Variants in FOXN4 observed in about 807,000 individuals in gnomAD.
FOXN4 encodes the protein forkhead box N4.
In FOXN4, 12 loss-of-function variants were observed where a neutral mutation model predicts 45.0. That is an observed-to-expected ratio of 0.27 (90% CI 0.17 to 0.43). The LOEUF (loss-of-function observed/expected upper bound fraction) is 0.43. Among genes scored for constraint, FOXN4 ranks in the 20% least tolerant of loss-of-function variants. FOXN4 has a pLI of 1.00. For missense variants in FOXN4, 560 were observed against 694.9 expected, an observed-to-expected ratio of 0.81 and a Z score of 2.18; for synonymous variants, 297 against 295.0, an observed-to-expected ratio of 1.01 and a Z score of -0.07.
At chr12:109,299,525 A>G (rs2047850032) in intron 2 of FOXN4, among the ~76,000 whole-genome samples, 1 of 152,168 alleles carries the variant, frequency 6.6e-6, no homozygotes, top group African/African-American at 2.4e-5. Flanking sequence ...CCCAAGCTTC[A>G]GCAGCCCCAG....
rs2047761447 is a variant in FOXN4 at position 109,290,947 on chromosome 12, C to A, written c.87-661G>T. ...CAGCTGCTGTGAGATGTAGGGTGGG[C>A]CCATACTCCCCTCGTACAGATGAGA... On this transcript the variant is annotated intron_variant, in intron 2 of 9. Coordinates refer to ENST00000299162, the MANE Select transcript of FOXN4 (RefSeq NM_213596.3). This position sits in a 1 kb window ranked among gnomAD's most constrained non-coding sequence, Gnocchi z 5.1. Among the ~76,000 whole-genome samples the A allele has an allele frequency of 6.6e-6, 1 of 152,128 alleles. No homozygotes were observed. The highest frequency in any genetic ancestry group is 1.5e-5 in the Non-Finnish European group (1 of 68,020).
chr12:109,280,393 C>A (rs1277746767), intron 9 of FOXN4, among the ~76,000 whole-genome samples: 1 of 151,442 alleles, frequency 6.6e-6, no homozygotes, highest in African/African-American at 2.4e-5. Flanking sequence ...GTCGCAGCAG[C>A]CCCGGGCCCT....
At position 109,287,262 on chromosome 12, in the gene FOXN4, G is replaced by T; in HGVS notation, c.596+135C>A. The stretch of plus-strand genomic sequence containing the variant: ...TTCCTGAGAACAAGTCCCACCTGGG[G>T]GTTCCCCACTCCCCAAAACCTCCCC... On this transcript the variant is annotated intron_variant, in intron 6 of 9. Coordinates refer to ENST00000299162, the MANE Select transcript of FOXN4 (RefSeq NM_213596.3). This position sits in a 1 kb window ranked among gnomAD's most constrained non-coding sequence, Gnocchi z 4.1. The T allele has an allele frequency of 8.2e-7, 1 of 1,226,134 alleles. No homozygotes were observed. Among genetic ancestry groups the T allele is most frequent in the South Asian group, 1.5e-5 (1 of 65,392 alleles). The allele number at this position is 1,226,134 out of a possible 1,614,324, so 76.0% of individuals were successfully genotyped here.
intron 8 of FOXN4, among the ~76,000 whole-genome samples, 173 bp downstream of exon 8, chr12:109,285,125 TGTGTGC>T (rs1020237975): frequency 2.1e-5 from 3 of 141,106 alleles, no homozygotes; most frequent in African/African-American, 5.3e-5. Flanking sequence ...CTTCCTCTTC[TGTGTGC>T]GTGTGCGTGT....
At chr12:109,302,425 ATACAGCAATTG>A (rs1484983929) in intron 2 of FOXN4, among the ~76,000 whole-genome samples, 1 of 152,240 alleles carries the variant, frequency 6.6e-6, no homozygotes, top group African/African-American at 2.4e-5. Flanking sequence ...CCTTAGGTTG[ATACAGCAATTG>A]TACAGAGGAA....
In FOXN4 at chr12:109,287,833, G is replaced by T. The variant is rs2047729082; in HGVS notation, c.468+11C>A. On this transcript the variant is annotated intron_variant, in intron 5 of 9. Transcript: ENST00000299162. This position sits in a 1 kb window ranked among gnomAD's most constrained non-coding sequence, Gnocchi z 4.1. ...GCTGCTCAGTCCAGGGCTCCCCTGAGCCCTTGGTACCTGCTGGGCACCCGG... is the reference window on the plus strand; with the variant it reads ...GCTGCTCAGTCCAGGGCTCCCCTGATCCCTTGGTACCTGCTGGGCACCCGG... 1.3e-6 allele frequency: 2 copies of T among 1,546,520 alleles called. No individual in the cohort carries two copies. The highest frequency in any genetic ancestry group is 4.0e-5 in the Admixed American group (2 of 50,238).
At chr12:109,300,965 A>C (rs2047863523) in intron 2 of FOXN4, among the ~76,000 whole-genome samples, 1 of 152,220 alleles carries the variant, frequency 6.6e-6, no homozygotes, top group African/African-American at 2.4e-5. Context: ...AGGTATCCCC[A>C]TGGTGTCACA....
At chr12:109,303,661 T>C (rs927086978) in intron 2 of FOXN4, among the ~76,000 whole-genome samples, 2 of 152,170 alleles carry the variant, frequency 1.3e-5, no homozygotes, top group Non-Finnish European at 2.9e-5. Flanking sequence ...CTTGTGGCCC[T>C]GGGAGAAGGT....
intron 2 of FOXN4, among the ~76,000 whole-genome samples, chr12:109,293,173 A>G (rs2136932527): frequency 6.6e-6 from 1 of 152,240 alleles, no homozygotes; most frequent in Admixed American, 6.5e-5. Context: ...CATCCTGCAG[A>G]CATCACTGGA....
intron 2 of FOXN4, among the ~76,000 whole-genome samples, chr12:109,295,903 G>A (rs2047812583): frequency 6.6e-6 from 1 of 152,184 alleles, no homozygotes; most frequent in Admixed American, 6.5e-5. Flanking sequence ...CTGGGAGGAA[G>A]TCCCAGCCCT....
In FOXN4 at chr12:109,291,291, C is replaced by T. The variant is rs115507872; in HGVS notation, c.87-1005G>A. Among the ~76,000 whole-genome samples, 15 of 152,160 alleles carry T rather than the reference C, an allele frequency of 9.9e-5. 1 individual carries two copies. The highest frequency in any genetic ancestry group is 3.1e-4 in the African/African-American group (13 of 41,526). ...GAGCATCGGGTCTTACACCACCATC[C>T]GGGCCCTGTCGTGATGGTGCAGACC... On this transcript the variant is annotated intron_variant, in intron 2 of 9. Coordinates refer to ENST00000299162, the MANE Select transcript of FOXN4 (RefSeq NM_213596.3). The surrounding 1 kb of genome is among the most constrained non-coding windows in gnomAD (Gnocchi z 6.6).
chr12:109,288,691 CA>C lies in FOXN4; in HGVS notation c.233-512del, dbSNP rs2136925023. Among the ~76,000 whole-genome samples the C allele has an allele frequency of 6.6e-6, 1 of 152,342 alleles. No homozygotes were observed. The highest frequency in any genetic ancestry group is 1.9e-4 in the East Asian group (1 of 5,186). On this transcript the variant is annotated intron_variant, in intron 3 of 9. Transcript: ENST00000299162. The surrounding 1 kb of genome is among the most constrained non-coding windows in gnomAD (Gnocchi z 4.3). ...GCTGCTCCACACAGGATGAGAATGG[CA>C]GACATACTTCCCCCATCTTGTGCTG...
At chr12:109,285,648 G>A in intron 7 of FOXN4, 137 bp from the exon 8 acceptor site, 1 of 899,242 alleles carries the variant, frequency 1.1e-6, no homozygotes, top group Non-Finnish European at 1.7e-6. Flanking sequence ...TCAGCCTCAA[G>A]TTGGAGAGAC....
chr12:109,281,794 A>G lies in FOXN4; in HGVS notation c.907T>C (p.Leu303=), dbSNP rs777792764. 3.2e-6 allele frequency: 5 copies of G among 1,570,070 alleles called. No individual in the cohort carries two copies. In the African/African-American group the frequency reaches 4.0e-5, roughly 13 times the overall value. ...IHRSMANPEE[L]DKLISDRPES... ...GGCCGGTCGGAGATCAGCTTGTCCAACTCCTCTGCAGGCAAGTGGGAGAGG... is the reference window on the plus strand; with the variant it reads ...GGCCGGTCGGAGATCAGCTTGTCCAGCTCCTCTGCAGGCAAGTGGGAGAGG... Residue 303 remains leucine, a synonymous_variant, in exon 9 of 10, where the codon TTG becomes CTG. Coordinates refer to ENST00000299162, the MANE Select transcript of FOXN4 (RefSeq NM_213596.3).
At chr12:109,286,902 G>T (rs977147189) in intron 6 of FOXN4, 158 bp from the exon 7 acceptor site, 11 of 1,427,888 alleles carry the variant, frequency 7.7e-6, no homozygotes, top group Non-Finnish European at 9.1e-6. Flanking sequence ...ATCTTTTCAT[G>T]GCCCGATGTC....
Position 109,285,273 on chromosome 12 carries a change from GTGCGCGCACTGCGGGCT to G in FOXN4, c.901+14_901+30del, listed in dbSNP as rs2047697590. On this transcript the variant is annotated intron_variant, in intron 8 of 9. Coordinates refer to ENST00000299162, the MANE Select transcript of FOXN4 (RefSeq NM_213596.3). ...TGTGTGTGTGTGTGTGTGTGTGTGT[GTGCGCGCACTGCGGGCT>G]GTCCGGCCCTCACCAGGGTTGGCCA... 2 of 1,489,178 alleles carry G rather than the reference GTGCGCGCACTGCGGGCT, an allele frequency of 1.3e-6. No individual in the cohort carries two copies. Among genetic ancestry groups the G allele is most frequent in the Non-Finnish European group, 1.8e-6 (2 of 1,104,038 alleles). The allele number at this position is 1,489,178 out of a possible 1,614,324, so 92.2% of individuals were successfully genotyped here. A position where few individuals can be genotyped will look rare whatever the true frequency, so the allele number is the denominator to read the frequency against.
At position 109,279,916 on chromosome 12, in the gene FOXN4, C is replaced by G. The variant is rs761359988; in HGVS notation, c.1309G>C (p.Glu437Gln). The change falls in exon 10 of 10, where the codon GAG (glutamate) becomes CAG (glutamine). Residue 437 changes from glutamate to glutamine, a missense_variant. Transcript: ENST00000299162. The stretch of plus-strand genomic sequence containing the variant: ...AAGCTGAATCCCTCATCCTTCATCT[C>G]CTCCCACAGGTTCCCTTTCAAAGAC... ...DFALQGNLWE[E>Q]MKDEGFSLDT... 1 of 1,613,978 alleles carries G rather than the reference C, an allele frequency of 6.2e-7. No individual in the cohort carries two copies. The highest frequency in any genetic ancestry group is 1.1e-5 in the South Asian group (1 of 91,082).
At chr12:109,280,347 A>G (rs990451143) in intron 9 of FOXN4, among the ~76,000 whole-genome samples, 15 of 148,188 alleles carry the variant, frequency 1.0e-4, no homozygotes, top group African/African-American at 3.6e-4. Flanking sequence ...CACCTCAAAA[A>G]AAAAAAAAAA....
rs968201371 is a variant in FOXN4, at chr12:109,288,892, C to T, written c.233-712G>A. Among the ~76,000 whole-genome samples the T allele has an allele frequency of 5.9e-5, 9 of 152,210 alleles. No homozygotes were observed. Among genetic ancestry groups the T allele is most frequent in the African/African-American group, 2.2e-4 (9 of 41,448 alleles). On this transcript the variant is annotated intron_variant, in intron 3 of 9. Transcript: ENST00000299162. This position sits in a 1 kb window ranked among gnomAD's most constrained non-coding sequence, Gnocchi z 4.3. ...TCTTCTGAGTTCTGGCTGCCACTGT[C>T]CCTAGATCTGTTTGTCTTGTCCTTC...
Sources: gnomAD v4.1 joint callset for allele counts (sites outside exome capture counted in the v4.1 genomes callset) on GRCh38, gnomAD v4.1.1 for gene constraint, Gnocchi (gnomAD v3.1) non-coding constraint, MANE v1.5 for transcripts, NCBI Gene and HGNC (gene_info 2026-07-23, HGNC 2026-07-21) for gene names.